Variants in LRP2 observed in about 807,000 individuals in gnomAD.
LRP2 encodes the protein LDL receptor related protein 2.
Under a neutral mutation model 531.0 loss-of-function variants are expected in LRP2, and 172 were observed. The ratio of observed to expected loss-of-function variants is 0.32; its 90% CI spans 0.29 to 0.37. The LOEUF is 0.37. Among genes scored for constraint, LRP2 ranks in the 10% least tolerant of loss-of-function variants. The probability of loss-of-function intolerance (pLI) is 1.00; values close to 1 mark genes in which losing one functional copy is unlikely to be tolerated. For missense variants in LRP2, 5,167 were observed against 5,868.3 expected, an observed-to-expected ratio of 0.88 and a Z score of 3.90; for synonymous variants, 1,992 against 2,027.6, an observed-to-expected ratio of 0.98 and a Z score of 0.47.
In LRP2 at chr2:169,237,074, G is replaced by A. The variant is rs757656455; in HGVS notation, c.4691+29C>T. ...TTTTCCCTCATCATAACCATGTCAA[G>A]GCAACATAATTTTAAAAAAAAGTCT... On this transcript the variant is annotated intron_variant, in intron 28 of 78. Coordinates refer to ENST00000649046, the MANE Select transcript of LRP2 (RefSeq NM_004525.3). 16 of 1,578,896 alleles carry A rather than the reference G, an allele frequency of 1.0e-5. No individual in the cohort carries two copies. The Admixed American group carries it at 2.7e-4, about 26-fold the overall frequency.
At chr2:169,185,162 T>C (rs1224990219) in intron 50 of LRP2, among the ~76,000 whole-genome samples, 1 of 152,160 alleles carries the variant, frequency 6.6e-6, no homozygotes, top group East Asian at 1.9e-4. Context: ...ACGCTGGGCA[T>C]GTAGGAGGGA....
At chr2:169,228,454 G>A (rs3915725) in intron 31 of LRP2, among the ~76,000 whole-genome samples, 18,429 of 152,088 alleles carry the variant, frequency 0.12, 1,588 homozygotes, top group African/African-American at 0.24. Flanking sequence ...TTTTATGGGG[G>A]ACTTTAAATT....
At chr2:169,301,689 T>C (rs2105483226) in intron 4 of LRP2, among the ~76,000 whole-genome samples, 1 of 152,206 alleles carries the variant, frequency 6.6e-6, no homozygotes, top group African/African-American at 2.4e-5. Context: ...TATCCTCCCC[T>C]TCCTCACCAT....
At chr2:169,156,964 C>A (rs1686353790) in intron 64 of LRP2, among the ~76,000 whole-genome samples, 1 of 152,174 alleles carries the variant, frequency 6.6e-6, no homozygotes, top group African/African-American at 2.4e-5. Context: ...GACTCCATAC[C>A]TTACAACTCA....
chr2:169,354,244 C>T (rs571634065), intron 1 of LRP2, among the ~76,000 whole-genome samples: 2 of 152,168 alleles, frequency 1.3e-5, no homozygotes, highest in Non-Finnish European at 2.9e-5. Flanking sequence ...CATGCTCTTA[C>T]TTAATGTGAA....
chr2:169,291,220 C>A (rs567627277), intron 7 of LRP2, among the ~76,000 whole-genome samples: 2 of 152,274 alleles, frequency 1.3e-5, no homozygotes, highest in South Asian at 2.1e-4. Flanking sequence ...GAAAAGGCAG[C>A]CCCCAGTAGG....
intron 9 of LRP2, among the ~76,000 whole-genome samples, chr2:169,287,889 T>A (rs1220397435): frequency 6.7e-6 from 1 of 150,224 alleles, no homozygotes; most frequent in Admixed American, 6.6e-5. Flanking sequence ...AATATTAAAA[T>A]AATAATTTCA....
chr2:169,184,203 C>G (rs1687543476), intron 50 of LRP2, among the ~76,000 whole-genome samples: 1 of 152,176 alleles, frequency 6.6e-6, no homozygotes, highest in Non-Finnish European at 1.5e-5. Context: ...GTGACAAGAA[C>G]AGTACCATGC....
At chr2:169,170,991 T>A (rs1206895440) in intron 58 of LRP2, among the ~76,000 whole-genome samples, 1 of 147,232 alleles carries the variant, frequency 6.8e-6, no homozygotes. Context: ...GAACTCCTGG[T>A]CTAAAGTAAT....
At chr2:169,360,413 A>G (rs1404496619) in intron 1 of LRP2, among the ~76,000 whole-genome samples, 1 of 149,302 alleles carries the variant, frequency 6.7e-6, no homozygotes, top group East Asian at 1.9e-4. Context: ...GGTTACTATT[A>G]CTATACACAT....
chr2:169,242,518 T>C (rs1292602065), intron 24 of LRP2, among the ~76,000 whole-genome samples: 1 of 151,902 alleles, frequency 6.6e-6, no homozygotes, highest in Non-Finnish European at 1.5e-5. Flanking sequence ...CAACACATAA[T>C]AGCACAAAGA....
chr2:169,308,673 C>A (rs1231491170), intron 3 of LRP2, among the ~76,000 whole-genome samples: 6 of 152,204 alleles, frequency 3.9e-5, no homozygotes, highest in African/African-American at 4.8e-5. Context: ...AATAGTGCCA[C>A]AAAAAACATA....
At chr2:169,286,654 T>C (rs181014863) in intron 9 of LRP2, among the ~76,000 whole-genome samples, 6 of 152,074 alleles carry the variant, frequency 3.9e-5, no homozygotes, top group African/African-American at 1.4e-4. Flanking sequence ...TGTTGGAAAA[T>C]ATGGAAAATG....
At chr2:169,337,325 G>A (rs1243947720) in intron 1 of LRP2, among the ~76,000 whole-genome samples, 1 of 152,156 alleles carries the variant, frequency 6.6e-6, no homozygotes, top group African/African-American at 2.4e-5. Context: ...AGATTGTAGG[G>A]GAACAGAGTA....
chr2:169,260,870 G>GA (rs71003072), intron 16 of LRP2, among the ~76,000 whole-genome samples: 80,388 of 146,452 alleles, frequency 0.55, 23,802 homozygotes, highest in East Asian at 0.9. Context: ...GGGTACACTA[G>GA]AAAAAAAAAA....
intron 1 of LRP2, among the ~76,000 whole-genome samples, chr2:169,339,374 A>G (rs1685502992): frequency 6.6e-6 from 1 of 152,170 alleles, no homozygotes; most frequent in Non-Finnish European, 1.5e-5. Context: ...GTAAAACTGA[A>G]CTAGAAAAAT....
At chr2:169,333,921 T>C (rs1043699378) in intron 1 of LRP2, among the ~76,000 whole-genome samples, 4 of 152,216 alleles carry the variant, frequency 2.6e-5, no homozygotes, top group Non-Finnish European at 5.9e-5. Context: ...CACGTTATAA[T>C]GTGATTGTGA....
chr2:169,290,123 G>A (rs1169589433), intron 8 of LRP2, among the ~76,000 whole-genome samples: 1 of 151,814 alleles, frequency 6.6e-6, no homozygotes, highest in Non-Finnish European at 1.5e-5. Context: ...CCCAAAAAAG[G>A]AGAAAAAAAA....
chr2:169,205,966 C>A (rs1455528534), intron 40 of LRP2, 57 bp downstream of exon 40: 3 of 1,600,304 alleles, frequency 1.9e-6, no homozygotes, highest in African/African-American at 1.3e-5. Flanking sequence ...TAATTTCAGG[C>A]CCCATTTTTT....
Sources: allele counts gnomAD v4.1 joint callset (sites outside exome capture counted in the v4.1 genomes callset), GRCh38; gene constraint gnomAD v4.1.1; transcripts MANE v1.5; gene names NCBI Gene and HGNC (gene_info 2026-07-23, HGNC 2026-07-21).